The following STPG4 variants were observed in gnomAD, a reference collection of about 807,000 sequenced individuals.
STPG4 encodes sperm-tail PG-rich repeat containing 4.
In STPG4, 41 loss-of-function variants were observed where a neutral mutation model predicts 31.5. That is an observed-to-expected ratio of 1.30 (90% CI 1.01 to 1.69). STPG4 has a LOEUF of 1.69. Ranked by LOEUF, STPG4 falls within the 40% of genes most tolerant of loss-of-function variation. The pLI, the probability that STPG4 is intolerant of heterozygous loss-of-function variation, is 0.00. For synonymous variants in STPG4, 141 were observed against 103.0 expected (o/e 1.37, Z -2.24); for missense variants, 375 against 293.4 (o/e 1.28, Z -2.03).
chr2:47,104,703 C>T (rs1176403901), intron 5 of STPG4, among the ~76,000 whole-genome samples: 1 of 151,880 alleles, frequency 6.6e-6, no homozygotes, highest in Non-Finnish European at 1.5e-5. Flanking sequence ...GCACTCTGGT[C>T]CTTCAATATG....
intron 6 of STPG4, among the ~76,000 whole-genome samples, chr2:47,088,667 A>C (rs1022987665): frequency 5.9e-5 from 9 of 152,194 alleles, no homozygotes; most frequent in Admixed American, 6.5e-5. Flanking sequence ...CCTGCCCTGC[A>C]GTTTCTTATC....
At chr2:47,126,710 T>TTGAACACTTGTAGGACA (rs754768941) in intron 5 of STPG4, among the ~76,000 whole-genome samples, 13 of 152,236 alleles carry the variant, frequency 8.5e-5, no homozygotes, top group Non-Finnish European at 1.3e-4. Flanking sequence ...AGGACAGGTC[T>TTGAACACTTGTAGGACA]GGTGTTGAAA....
At chr2:47,096,243 G>C (rs1045384000) in intron 5 of STPG4, among the ~76,000 whole-genome samples, 2 of 152,152 alleles carry the variant, frequency 1.3e-5, no homozygotes, top group East Asian at 1.9e-4. Flanking sequence ...ATCACACAAA[G>C]GGATGTATAG....
intron 3 of STPG4, among the ~76,000 whole-genome samples, chr2:47,132,574 G>T (rs1353016004): frequency 6.6e-6 from 1 of 152,150 alleles, no homozygotes; most frequent in African/African-American, 2.4e-5. Flanking sequence ...CTGCTTGAGT[G>T]CTCACTTGAC....
At chr2:47,129,489 T>G (rs1444596089) in intron 5 of STPG4, 1 of 161,230 alleles carries the variant, frequency 6.2e-6, no homozygotes, top group Non-Finnish European at 1.4e-5. Flanking sequence ...CCTGGCTGGC[T>G]AGTGCTGGTC....
At chr2:47,119,533 GCC>G (rs1187861474) in intron 5 of STPG4, among the ~76,000 whole-genome samples, 1 of 152,118 alleles carries the variant, frequency 6.6e-6, no homozygotes, top group Non-Finnish European at 1.5e-5. Context: ...TTAACTCACA[GCC>G]TTCATTTAAA....
At chr2:47,126,682 C>G (rs1254773509) in intron 5 of STPG4, among the ~76,000 whole-genome samples, 1 of 152,178 alleles carries the variant, frequency 6.6e-6, no homozygotes, top group Non-Finnish European at 1.5e-5. Context: ...TTGAAGAACT[C>G]CTTTTAGCGT....
At position 47,129,965 on chromosome 2, in the gene STPG4, T is replaced by G. The variant is rs762406894; in HGVS notation, c.495A>C (p.Arg165Ser). ...RSCVFRSTVQ[R>S]FPTTYFIPHE... is the part of the protein sequence containing the mutation. ...CGGGAATAAAATAGGTTGTTGGGAATCTTTGAACTGTTGAGCGAAATACAC... is the reference window on the plus strand; with the variant it reads ...CGGGAATAAAATAGGTTGTTGGGAAGCTTTGAACTGTTGAGCGAAATACAC... The change falls in exon 5 of 7, where the codon AGA becomes AGC. Residue 165 changes from arginine (R) to serine (S), a missense_variant. Physicochemically the swap from Arg to Ser is moderately radical, Grantham distance 110. Coordinates refer to ENST00000445927, the MANE Select transcript of STPG4 (RefSeq NM_001163561.2). 6.2e-7 allele frequency: 1 copy of G among 1,603,750 alleles called. No individual in the cohort carries two copies. Among genetic ancestry groups the G allele is most frequent in the Admixed American group, 1.7e-5 (1 of 59,802 alleles).
At chr2:47,089,848 T>C (rs1314663623) in intron 6 of STPG4, among the ~76,000 whole-genome samples, 4 of 152,164 alleles carry the variant, frequency 2.6e-5, no homozygotes, top group African/African-American at 9.7e-5. Context: ...AATGGTCCCA[T>C]TTGGGTCAAT....
At chr2:47,134,756 G>A (rs1686563282) in intron 3 of STPG4, among the ~76,000 whole-genome samples, 1 of 152,180 alleles carries the variant, frequency 6.6e-6, no homozygotes, top group Non-Finnish European at 1.5e-5. Flanking sequence ...GTAAGAGTAT[G>A]TTTAGTTTTT....
chr2:47,134,207 A>G (rs1686548349), intron 3 of STPG4, among the ~76,000 whole-genome samples: 2 of 152,206 alleles, frequency 1.3e-5, no homozygotes, highest in Admixed American at 1.3e-4. Context: ...ACACTGGCAC[A>G]TCATTATCAC....
chr2:47,134,367 C>A (rs1341855771), intron 3 of STPG4, among the ~76,000 whole-genome samples: 1 of 152,210 alleles, frequency 6.6e-6, no homozygotes, highest in African/African-American at 2.4e-5. Context: ...TTATCCCTCC[C>A]TCCCCTCAAC....
chr2:47,142,432 C>G (rs947608214), intron 3 of STPG4, among the ~76,000 whole-genome samples: 2 of 151,902 alleles, frequency 1.3e-5, no homozygotes, highest in Non-Finnish European at 2.9e-5. Flanking sequence ...TTGAAATGTT[C>G]CCAACCTAGG....
At chr2:47,136,824 C>G (rs968758529) in intron 3 of STPG4, among the ~76,000 whole-genome samples, 1 of 152,106 alleles carries the variant, frequency 6.6e-6, no homozygotes, top group African/African-American at 2.4e-5. Flanking sequence ...AAGTAATCGA[C>G]TTTTGTATAT....
intron 5 of STPG4, among the ~76,000 whole-genome samples, chr2:47,096,132 C>G (rs752753193): frequency 6.6e-6 from 1 of 152,142 alleles, no homozygotes; most frequent in Non-Finnish European, 1.5e-5. Context: ...CCTCATCGAC[C>G]AAGTAGGCGT....
At chr2:47,111,698 T>G (rs1007015805) in intron 5 of STPG4, among the ~76,000 whole-genome samples, 1 of 152,172 alleles carries the variant, frequency 6.6e-6, no homozygotes, top group African/African-American at 2.4e-5. Context: ...TTTTTACTTA[T>G]GGTAGAATAT....
chr2:47,152,975 C>A lies in STPG4; in HGVS notation c.123G>T (p.Trp41Cys), dbSNP rs1234806060. The change falls in exon 2 of 7, where the codon TGG becomes TGT. Residue 41 changes from tryptophan (W) to cysteine (C), a missense_variant. Trp to Cys is a radical substitution (Grantham distance 215, BLOSUM62 -2). Coordinates refer to ENST00000445927, the MANE Select transcript of STPG4 (RefSeq NM_001163561.2). ...TACATACTGTTAATGCTATTCTCCACCATCCTTCTCTTTCAAAAGAGGAAG... is the reference window on the plus strand; with the variant it reads ...TACATACTGTTAATGCTATTCTCCAACATCCTTCTCTTTCAAAAGAGGAAG... The part of the protein sequence containing the change: ...QKTSSFEREG[W>C]WRIALTDTPI... 6.2e-7 allele frequency: 1 copy of A among 1,611,224 alleles called. No individual in the cohort carries two copies. Among genetic ancestry groups the A allele is most frequent in the Non-Finnish European group, 8.5e-7 (1 of 1,178,286 alleles).
At chr2:47,102,116 G>A (rs960592580) in intron 5 of STPG4, among the ~76,000 whole-genome samples, 2 of 151,848 alleles carry the variant, frequency 1.3e-5, no homozygotes, top group South Asian at 2.1e-4. Flanking sequence ...CTGCGTCGGT[G>A]AGCCCAACTA....
intron 5 of STPG4, chr2:47,129,578 G>T (rs1346802616): frequency 4.7e-6 from 1 of 212,468 alleles, no homozygotes; most frequent in Non-Finnish European, 9.4e-6. Flanking sequence ...GTGTTCCCGT[G>T]CAAAGTCCCC....
Sources: allele counts gnomAD v4.1 joint callset (sites outside exome capture counted in the v4.1 genomes callset), GRCh38; gene constraint gnomAD v4.1.1; transcripts MANE v1.5; gene names NCBI Gene and HGNC (gene_info 2026-07-23, HGNC 2026-07-21).